Variants in GPC5 observed in about 807,000 individuals in gnomAD.
The protein encoded by GPC5 is glypican 5.
GPC5 carries 47 observed loss-of-function variants against 53.9 expected under a neutral mutation model. The observed-to-expected ratio is 0.87, with a 90% CI of 0.69 to 1.11. The LOEUF (loss-of-function observed/expected upper bound fraction) is 1.11. GPC5 is among the 50% of genes most tolerant of loss of function. GPC5 has a pLI of 0.00. For missense variants in GPC5, 748 were observed against 713.1 expected (o/e 1.05, Z -0.56); for synonymous variants, 286 against 263.3 (o/e 1.09, Z -0.84).
chr13:91,511,657 T>A (rs1885233921), intron 2 of GPC5, among the ~76,000 whole-genome samples: 1 of 152,196 alleles, frequency 6.6e-6, no homozygotes, highest in South Asian at 2.1e-4. Context: ...AAGACTATTG[T>A]ATGAATTCTT....
At chr13:92,460,677 G>C (rs1878443033) in intron 7 of GPC5, among the ~76,000 whole-genome samples, 1 of 152,142 alleles carries the variant, frequency 6.6e-6, no homozygotes, top group African/African-American at 2.4e-5. Context: ...ATATTGAAAT[G>C]TGCTATCAGG....
chr13:91,719,383 G>C (rs576460998), intron 3 of GPC5, among the ~76,000 whole-genome samples: 12 of 152,172 alleles, frequency 7.9e-5, no homozygotes, highest in Non-Finnish European at 1.2e-4. Context: ...GTTTATACCA[G>C]TGACCATCAG....
At chr13:92,544,633 T>A (rs1882040627) in intron 7 of GPC5, among the ~76,000 whole-genome samples, 1 of 152,176 alleles carries the variant, frequency 6.6e-6, no homozygotes, top group African/African-American at 2.4e-5. Context: ...AGCTGGCTCT[T>A]CCCTCGTTTT....
intron 7 of GPC5, among the ~76,000 whole-genome samples, chr13:92,779,210 C>G (rs1165954693): frequency 6.6e-6 from 1 of 152,030 alleles, no homozygotes; most frequent in Admixed American, 6.6e-5. Flanking sequence ...CTTTTTAAAA[C>G]CATCAGATCT....
At chr13:91,661,109 A>G (rs1037971550) in intron 2 of GPC5, among the ~76,000 whole-genome samples, 7 of 152,018 alleles carry the variant, frequency 4.6e-5, no homozygotes, top group African/African-American at 1.4e-4. Flanking sequence ...CTGTAAGGCA[A>G]GGGTCACCGA....
chr13:91,784,241 T>C (rs1195524677), intron 5 of GPC5, among the ~76,000 whole-genome samples: 1 of 152,200 alleles, frequency 6.6e-6, no homozygotes, highest in Non-Finnish European at 1.5e-5. Flanking sequence ...ATAATTTTAT[T>C]TGAGATTGTC....
At chr13:92,156,128 T>C (rs1291009750) in intron 7 of GPC5, among the ~76,000 whole-genome samples, 1 of 152,202 alleles carries the variant, frequency 6.6e-6, no homozygotes, top group Admixed American at 6.5e-5. Flanking sequence ...CTAAAATTTC[T>C]GGTCTTTTTC....
intron 7 of GPC5, among the ~76,000 whole-genome samples, chr13:92,412,243 C>G (rs1034309975): frequency 6.6e-6 from 1 of 152,150 alleles, no homozygotes; most frequent in African/African-American, 2.4e-5. Context: ...TTCATTGGTT[C>G]TTTCACAGAT....
At chr13:91,841,028 A>G (rs922680452) in intron 5 of GPC5, among the ~76,000 whole-genome samples, 9 of 151,692 alleles carry the variant, frequency 5.9e-5, no homozygotes, top group African/African-American at 2.2e-4. Flanking sequence ...TATTTCTGGA[A>G]TTGTAAAATA....
chr13:92,382,179 G>T (rs1039879443), intron 7 of GPC5, among the ~76,000 whole-genome samples: 2 of 151,744 alleles, frequency 1.3e-5, no homozygotes. Context: ...GGACGCAAAG[G>T]CATAAGAATG....
intron 2 of GPC5, among the ~76,000 whole-genome samples, chr13:91,586,518 A>G (rs181990063): frequency 9.9e-5 from 2 of 20,186 alleles, no homozygotes; most frequent in African/African-American, 5.3e-4. Flanking sequence ...ATATATATAT[A>G]TATATATATA....
In GPC5 at chr13:91,689,888, TA is replaced by T. The variant is rs535497925; in HGVS notation, c.326-3293del. Reference sequence around the variant, plus strand: ...GAAGGAGTGCACTCTAAAATAACAATAAAAAACATAGTATGGTAAACACCCA... The same window carrying T: ...GAAGGAGTGCACTCTAAAATAACAATAAAAACATAGTATGGTAAACACCCA... On this transcript the variant is annotated intron_variant, in intron 2 of 7. Coordinates refer to ENST00000377067, the MANE Select transcript of GPC5 (RefSeq NM_004466.6). Among the ~76,000 whole-genome samples, 342 of 152,200 alleles carry T rather than the reference TA, an allele frequency of 2.2e-3. 1 individual carries two copies. The highest frequency in any genetic ancestry group is 7.4e-3 in the African/African-American group (307 of 41,528).
chr13:91,793,450 C>T (rs1254436357), intron 5 of GPC5, among the ~76,000 whole-genome samples: 2 of 152,066 alleles, frequency 1.3e-5, no homozygotes, highest in Non-Finnish European at 1.5e-5. Flanking sequence ...GTAGCTCTTT[C>T]CAAAGAAATC....
intron 7 of GPC5, among the ~76,000 whole-genome samples, chr13:92,157,611 G>A (rs2041954292): frequency 6.6e-6 from 1 of 152,132 alleles, no homozygotes; most frequent in Non-Finnish European, 1.5e-5. Flanking sequence ...TAAAGTAAGT[G>A]CATTAAGAAA....
chr13:91,661,942 T>A (rs190946207), intron 2 of GPC5, among the ~76,000 whole-genome samples: 51 of 152,310 alleles, frequency 3.3e-4, no homozygotes, highest in Non-Finnish European at 5.1e-4. Context: ...ACTGGCACGG[T>A]CTTATGTCTT....
chr13:91,958,650 A>G (rs1245647857), intron 6 of GPC5, among the ~76,000 whole-genome samples: 1 of 152,042 alleles, frequency 6.6e-6, no homozygotes, highest in Non-Finnish European at 1.5e-5. Flanking sequence ...CAACAAAAAC[A>G]ATTTTAAAAA....
intron 2 of GPC5, among the ~76,000 whole-genome samples, chr13:91,643,513 T>C (rs1352579153): frequency 1.3e-5 from 2 of 152,256 alleles, no homozygotes; most frequent in South Asian, 4.1e-4. Flanking sequence ...TTTATGTTGA[T>C]AACATGCTAA....
At chr13:91,974,160 T>G (rs1701132502) in intron 6 of GPC5, among the ~76,000 whole-genome samples, 1 of 152,166 alleles carries the variant, frequency 6.6e-6, no homozygotes. Context: ...ACAGCCAATA[T>G]CATACTGAAT....
At chr13:91,725,803 C>T (rs2036564251) in intron 3 of GPC5, among the ~76,000 whole-genome samples, 1 of 152,132 alleles carries the variant, frequency 6.6e-6, no homozygotes, top group Non-Finnish European at 1.5e-5. Flanking sequence ...TTTCTCTGAA[C>T]TCATAACTTC....
Sources: gnomAD v4.1 joint callset for allele counts (sites outside exome capture counted in the v4.1 genomes callset) on GRCh38, gnomAD v4.1.1 for gene constraint, MANE v1.5 for transcripts, NCBI Gene and HGNC (gene_info 2026-07-23, HGNC 2026-07-21) for gene names.